Variants in SOX5 observed in about 807,000 individuals in gnomAD.
SOX5 encodes the protein SRY-box transcription factor 5.
In SOX5, 9 loss-of-function variants were observed where a neutral mutation model predicts 92.0. The ratio of observed to expected loss-of-function variants is 0.10; its 90% CI spans 0.06 to 0.17. The LOEUF (loss-of-function observed/expected upper bound fraction) is 0.17, where lower values mean the gene tolerates loss of function less well. SOX5 is among the 10% of genes least tolerant of loss of function. The pLI is 1.00. For synonymous variants in SOX5, 344 were observed against 336.3 expected (o/e 1.02, Z -0.25); for missense variants, 642 against 944.5 (o/e 0.68, Z 4.20).
intron 6 of SOX5, among the ~76,000 whole-genome samples, chr12:23,683,573 A>G (rs939636087): frequency 9.2e-5 from 14 of 151,924 alleles, no homozygotes; most frequent in African/African-American, 2.9e-4. Context: ...CCACACATGA[A>G]TTTAGGAAGA....
chr12:23,616,377 T>C (rs1180543154), intron 8 of SOX5, among the ~76,000 whole-genome samples: 2 of 152,178 alleles, frequency 1.3e-5, no homozygotes, highest in Admixed American at 6.5e-5. Flanking sequence ...CCCAGTTCTA[T>C]CACAGACCAT....
rs188473317 is a variant in SOX5, at chr12:24,244,254, C to T, written c.-76-30837G>A. Among the ~76,000 whole-genome samples, 22 of 152,282 alleles carry T rather than the reference C, an allele frequency of 1.4e-4. No homozygotes were observed. The East Asian group carries it at 4.1e-3, about 28-fold the overall frequency. Reference sequence around the variant, plus strand: ...CAACATCCACGGGCGATCGGCTACACCTTGAATAAAGATGATTTCCTTTGA... The same window carrying T: ...CAACATCCACGGGCGATCGGCTACATCTTGAATAAAGATGATTTCCTTTGA... On this transcript the variant is annotated intron_variant, in intron 3 of 4. Transcript: ENST00000446891.
intron 4 of SOX5, among the ~76,000 whole-genome samples, chr12:23,976,398 C>CAAAAAAAAAAAAAAAA (rs139277769): frequency 1.9e-5 from 2 of 106,776 alleles, no homozygotes; most frequent in Admixed American, 1.1e-4. Flanking sequence ...ATTAAAAAAA[C>CAAAAAAAAAAAAAAAA]AAAAAAACAA....
In SOX5 at chr12:24,064,318, C is replaced by T. The variant is rs77282339; in HGVS notation, c.-2+149025G>A. 6.1e-3 allele frequency among the ~76,000 whole-genome samples: 934 copies of T among 152,240 alleles called. 10 individuals are homozygous for T. The highest frequency in any genetic ancestry group is 0.033 in the South Asian group (160 of 4,818). On this transcript the variant is annotated intron_variant, in intron 4 of 4. Coordinates refer to the SOX5 transcript ENST00000446891. Reference sequence around the variant, plus strand: ...CATCCAAGGACACTGTAATGCAATACGGCAAATATCCAAGATGACTCTTAT... The same window carrying T: ...CATCCAAGGACACTGTAATGCAATATGGCAAATATCCAAGATGACTCTTAT...
rs536103821 is a variant in SOX5 at position 24,156,397 on chromosome 12, C to G, written c.-2+56946G>C. ...TTAATAAATAACAAGCACATGAATCCTAGTGTCAAGGACTGCTTCTGGGGA... is the reference window on the plus strand; with the variant it reads ...TTAATAAATAACAAGCACATGAATCGTAGTGTCAAGGACTGCTTCTGGGGA... On this transcript the variant is annotated intron_variant, in intron 4 of 4. Transcript: ENST00000446891. Among the ~76,000 whole-genome samples, 36 of 152,166 alleles carry G rather than the reference C, an allele frequency of 2.4e-4. 1 individual carries two copies. Among genetic ancestry groups the G allele is most frequent in the Middle Eastern group, 3.4e-3 (1 of 294 alleles).
intron 4 of SOX5, among the ~76,000 whole-genome samples, chr12:24,087,611 TGAAAA>T (rs1944163498): frequency 6.6e-6 from 1 of 152,130 alleles, no homozygotes; most frequent in African/African-American, 2.4e-5. Flanking sequence ...AGCAAATACT[TGAAAA>T]GGAATTGTGA....
chr12:24,556,995 C>G (rs1413834729), intron 1 of SOX5, among the ~76,000 whole-genome samples: 1 of 152,166 alleles, frequency 6.6e-6, no homozygotes, highest in African/African-American at 2.4e-5. Context: ...ATTTATTGAG[C>G]ACCTAGTTCA....
chr12:24,522,696 A>C (rs1235060553), intron 1 of SOX5, among the ~76,000 whole-genome samples: 3 of 152,208 alleles, frequency 2.0e-5, no homozygotes, highest in Non-Finnish European at 4.4e-5. Context: ...GATAAAGAAA[A>C]GCATTTGACA....
intron 4 of SOX5, among the ~76,000 whole-genome samples, chr12:23,998,874 AAATTT>A (rs1951309355): frequency 6.6e-6 from 1 of 151,936 alleles, no homozygotes; most frequent in African/African-American, 2.4e-5. Context: ...CAAACTTCAC[AAATTT>A]AATGAACAAC....
At chr12:24,543,639 G>C (rs1229121684) in intron 1 of SOX5, among the ~76,000 whole-genome samples, 1 of 152,228 alleles carries the variant, frequency 6.6e-6, no homozygotes, top group African/African-American at 2.4e-5. Flanking sequence ...AGTGAACTGA[G>C]ATTATGCCAC....
chr12:23,708,359 G>A (rs867729849), intron 6 of SOX5, among the ~76,000 whole-genome samples: 2 of 151,620 alleles, frequency 1.3e-5, no homozygotes, highest in Non-Finnish European at 2.9e-5. Flanking sequence ...TCTGAAAAGT[G>A]TGGAGAACAG....
intron 4 of SOX5, among the ~76,000 whole-genome samples, chr12:23,998,449 G>A (rs1165175739): frequency 6.6e-6 from 1 of 151,922 alleles, no homozygotes; most frequent in Non-Finnish European, 1.5e-5. Context: ...AGACCTATGA[G>A]AATACTTCAA....
chr12:23,696,970 T>C (rs1391252964), intron 6 of SOX5, among the ~76,000 whole-genome samples: 2 of 152,172 alleles, frequency 1.3e-5, no homozygotes, highest in African/African-American at 4.8e-5. Flanking sequence ...TTAAATTATT[T>C]CAGTCCTTTA....
intron 4 of SOX5, among the ~76,000 whole-genome samples, chr12:24,208,163 C>T (rs1466773112): frequency 6.6e-6 from 1 of 152,150 alleles, no homozygotes; most frequent in African/African-American, 2.4e-5. Flanking sequence ...GCCTGACTTT[C>T]CTGAACTCTT....
intron 4 of SOX5, among the ~76,000 whole-genome samples, chr12:24,044,643 T>A (rs932633360): frequency 6.6e-6 from 1 of 152,196 alleles, no homozygotes; most frequent in African/African-American, 2.4e-5. Flanking sequence ...TTCCTGGCTA[T>A]CTCCAAATAT....
intron 1 of SOX5, among the ~76,000 whole-genome samples, chr12:24,521,832 G>A (rs1597562559): frequency 6.6e-6 from 1 of 151,916 alleles, no homozygotes; most frequent in Non-Finnish European, 1.5e-5. Flanking sequence ...AAAGTCTGTG[G>A]CAACAAGTGC....
chr12:24,473,050 T>G (rs1944975223), intron 1 of SOX5, among the ~76,000 whole-genome samples: 1 of 152,120 alleles, frequency 6.6e-6, no homozygotes, highest in Admixed American at 6.6e-5. Flanking sequence ...CATTGACTAC[T>G]CAAAAACATT....
chr12:23,760,613 GCCCC>G (rs5797037), intron 3 of SOX5, among the ~76,000 whole-genome samples: 165 of 151,938 alleles, frequency 1.1e-3, no homozygotes, highest in African/African-American at 3.8e-3. Context: ...CCAGTGAATG[GCCCC>G]CCCCAACTGT....
chr12:23,857,659 C>A (rs2136308050), intron 2 of SOX5, among the ~76,000 whole-genome samples: 1 of 152,134 alleles, frequency 6.6e-6, no homozygotes, highest in South Asian at 2.1e-4. Flanking sequence ...AGGCTAATAG[C>A]CACTTTTAGA....
Sources: allele counts gnomAD v4.1 joint callset (sites outside exome capture counted in the v4.1 genomes callset), GRCh38; gene constraint gnomAD v4.1.1; transcripts MANE v1.5; gene names NCBI Gene and HGNC (gene_info 2026-07-23, HGNC 2026-07-21).